Variants in AIF1L observed in about 807,000 individuals in gnomAD.
AIF1L encodes allograft inflammatory factor 1-like.
AIF1L carries 12 observed loss-of-function variants against 20.7 expected under a neutral mutation model. The ratio of observed to expected loss-of-function variants is 0.58; its 90% confidence interval spans 0.37 to 0.94. AIF1L has a LOEUF of 0.94. AIF1L is among the 40% of genes least tolerant of loss of function. The pLI is 0.01. For missense variants in AIF1L, 173 were observed against 185.3 expected (o/e 0.93, Z 0.39); for synonymous variants, 76 against 65.1 (o/e 1.17, Z -0.81).
At chr9:131,114,142 C>T (rs143996246) in intron 3 of AIF1L, 145 of 187,564 alleles carry the variant, frequency 7.7e-4, no homozygotes, top group Admixed American at 1.2e-3. Flanking sequence ...TTCCCACACC[C>T]GGTTGCCCAT....
At chr9:131,103,790 G>T (rs1238924003) in intron 2 of AIF1L, among the ~76,000 whole-genome samples, 1 of 152,204 alleles carries the variant, frequency 6.6e-6, no homozygotes, top group African/African-American at 2.4e-5. Flanking sequence ...AAGTTGCCCT[G>T]CCCAGAGCCA....
At chr9:131,113,501 A>C (rs1359622771) in intron 3 of AIF1L, among the ~76,000 whole-genome samples, 2 of 131,640 alleles carry the variant, frequency 1.5e-5, no homozygotes, top group East Asian at 4.1e-4. Context: ...CCATCTCAAA[A>C]AAAAAAAAAA....
intron 2 of AIF1L, among the ~76,000 whole-genome samples, chr9:131,103,932 G>A (rs1237580717): frequency 2.6e-5 from 4 of 152,154 alleles, no homozygotes; most frequent in Admixed American, 1.3e-4. Flanking sequence ...TGTCCCTTCC[G>A]GCACCTCGGT....
At chr9:131,098,488 C>T (rs1216228239) in intron 2 of AIF1L, among the ~76,000 whole-genome samples, 2 of 152,134 alleles carry the variant, frequency 1.3e-5, no homozygotes, top group Non-Finnish European at 2.9e-5. Context: ...CTTGGCCAGG[C>T]GGGTTCTGAG....
chr9:131,096,635 G>T lies in AIF1L; in HGVS notation c.6G>T (p.Ser2=). ...GCGGGAGCCCCGCGCTCGCCATGTCGGGCGAGCTCAGCAACAGGTTCCAAG... is the reference window on the plus strand; with the variant it reads ...GCGGGAGCCCCGCGCTCGCCATGTCTGGCGAGCTCAGCAACAGGTTCCAAG... M[S]GELSNRFQGG... The change falls in exon 1 of 6, where the codon TCG becomes TCT. Residue 2 remains serine (S), a synonymous_variant. Coordinates refer to ENST00000247291, the MANE Select transcript of AIF1L (RefSeq NM_031426.4). 6.7e-7 allele frequency: 1 copy of T among 1,484,194 alleles called. No individual in the cohort carries two copies. The highest frequency in any genetic ancestry group is 8.9e-7 in the Non-Finnish European group (1 of 1,125,468). The allele number at this position is 1,484,194 out of a possible 1,614,324, so 91.9% of individuals were successfully genotyped here. A position where few individuals can be genotyped will look rare whatever the true frequency, so the allele number is the denominator to read the frequency against.
At position 131,114,632 on chromosome 9, in the gene AIF1L, T is replaced by C. The variant is rs1830966872; in HGVS notation, c.202+14T>C. 2 of 1,613,868 alleles carry C rather than the reference T, an allele frequency of 1.2e-6. No homozygotes were observed. Among genetic ancestry groups the C allele is most frequent in the Admixed American group, 3.3e-5 (2 of 59,994 alleles). ...AAGGCGAGATTGGTGAGTGAAGCCT[T>C]GAGTGTGTTTAGGGAGGAGGGTGTT... is the stretch of plus-strand genomic sequence containing the variant. On this transcript the variant is annotated intron_variant, in intron 4 of 5. Transcript: ENST00000247291.
intron 5 of AIF1L, among the ~76,000 whole-genome samples, chr9:131,119,112 A>G (rs1306707999): frequency 2.0e-5 from 3 of 152,254 alleles, no homozygotes; most frequent in African/African-American, 7.2e-5. Flanking sequence ...CTGATGGCAA[A>G]CACCTACTAC....
At chr9:131,099,729 C>CTT (rs5900920) in intron 2 of AIF1L, among the ~76,000 whole-genome samples, 9 of 113,028 alleles carry the variant, frequency 8.0e-5, no homozygotes, top group East Asian at 2.6e-4. Flanking sequence ...TCAGCCTTAG[C>CTT]TTTTTTTTTT....
chr9:131,107,298 GTGTC>G (rs1830775713), intron 2 of AIF1L, among the ~76,000 whole-genome samples: 2 of 152,316 alleles, frequency 1.3e-5, no homozygotes, highest in East Asian at 3.9e-4. Flanking sequence ...TGGTTGGTCT[GTGTC>G]TGTCTGTGTG....
chr9:131,102,291 A>C (rs141536721), intron 2 of AIF1L, among the ~76,000 whole-genome samples: 92 of 152,204 alleles, frequency 6.0e-4, no homozygotes, highest in African/African-American at 2.2e-3. Context: ...ATCTCTGCCC[A>C]GGGGTGTATA....
intron 2 of AIF1L, among the ~76,000 whole-genome samples, chr9:131,109,898 T>G (rs1830837221): frequency 6.6e-6 from 1 of 152,098 alleles, no homozygotes; most frequent in Non-Finnish European, 1.5e-5. Context: ...TTTCCTCACC[T>G]GCAAAATGGG....
chr9:131,116,209 C>T (rs184338917), intron 4 of AIF1L, among the ~76,000 whole-genome samples: 6 of 152,008 alleles, frequency 3.9e-5, no homozygotes, highest in African/African-American at 1.2e-4. Context: ...TTGGTCAGCC[C>T]GGCCAGAAAA....
At chr9:131,111,803 C>G in intron 3 of AIF1L, 140 bp downstream of exon 3, 1 of 878,576 alleles carries the variant, frequency 1.1e-6, no homozygotes, top group Non-Finnish European at 1.8e-6. Context: ...CTGGAGAAGG[C>G]TTGGAGACAG....
intron 2 of AIF1L, among the ~76,000 whole-genome samples, chr9:131,106,898 C>T (rs1404777784): frequency 2.0e-5 from 3 of 152,114 alleles, no homozygotes; most frequent in Admixed American, 6.5e-5. Flanking sequence ...GAATTTGAGA[C>T]CGAACTGCTC....
rs1831165097 is a variant in AIF1L at position 131,122,614 on chromosome 9, G to C, written c.*2292G>C. ...TCAGTGTCCCTGTTCCTCACTCAGA[G>C]AGGAAGGCAGAACCAGTCAGGCTTA... is the stretch of plus-strand genomic sequence containing the variant. On this transcript the variant is annotated 3_prime_UTR_variant, in exon 6 of 6. Coordinates refer to ENST00000247291, the MANE Select transcript of AIF1L (RefSeq NM_031426.4). The C allele has an allele frequency of 6.6e-6, 1 of 152,202 alleles. No individual in the cohort carries two copies. Among genetic ancestry groups the C allele is most frequent in the South Asian group, 2.1e-4 (1 of 4,836 alleles). The allele number at this position is 152,202 out of a possible 1,614,324, so 9.4% of individuals were successfully genotyped here.
At chr9:131,116,261 T>C (rs1831010833) in intron 4 of AIF1L, among the ~76,000 whole-genome samples, 1 of 152,172 alleles carries the variant, frequency 6.6e-6, no homozygotes, top group South Asian at 2.1e-4. Context: ...TGATTTATTA[T>C]TGATTTTTCT....
chr9:131,102,217 A>G (rs1830655051), intron 2 of AIF1L, among the ~76,000 whole-genome samples: 1 of 152,080 alleles, frequency 6.6e-6, no homozygotes, highest in African/African-American at 2.4e-5. Flanking sequence ...CTGGCCCCTG[A>G]TGTTTTTTTC....
chr9:131,120,867 T>C lies in AIF1L; in HGVS notation c.*545T>C, dbSNP rs563521031. 2 of 474,416 alleles carry C rather than the reference T, an allele frequency of 4.2e-6. No homozygotes were observed. Among genetic ancestry groups the C allele is most frequent in the Admixed American group, 3.8e-5 (1 of 26,300 alleles). 29.4% of individuals were successfully genotyped at this position (474,416 alleles called of 1,614,324 possible). ...GCTGCCCCAGCTGATCCCCACTCAT[T>C]CCACACCTCTTCTCATCCTCAGTGA... On this transcript the variant is annotated 3_prime_UTR_variant, in exon 6 of 6. Transcript: ENST00000247291.
In AIF1L at chr9:131,096,785, C is replaced by T; in HGVS notation, c.32-17C>T. On this transcript the variant is annotated splice_polypyrimidine_tract_variant and intron_variant, in intron 1 of 5. Transcript: ENST00000247291. ...AAGAGGACCCCGCTTCCCAGGCCGCCTCTTTGTCTCCTCCAGGAGGGAAGG... is the reference window on the plus strand; with the variant it reads ...AAGAGGACCCCGCTTCCCAGGCCGCTTCTTTGTCTCCTCCAGGAGGGAAGG... 2 of 1,521,764 alleles carry T rather than the reference C, an allele frequency of 1.3e-6. No homozygotes were observed. Among genetic ancestry groups the T allele is most frequent in the Middle Eastern group, 1.7e-4 (1 of 5,718 alleles). The allele number at this position is 1,521,764 out of a possible 1,614,324, so 94.3% of individuals were successfully genotyped here. A position where few individuals can be genotyped will look rare whatever the true frequency, so the allele number is the denominator to read the frequency against.
Sources: allele counts gnomAD v4.1 joint callset (sites outside exome capture counted in the v4.1 genomes callset), GRCh38; gene constraint gnomAD v4.1.1; transcripts MANE v1.5; gene names NCBI Gene and HGNC (gene_info 2026-07-23, HGNC 2026-07-21).